Variants in NBPF15 observed in about 807,000 individuals in gnomAD.
The protein encoded by NBPF15 is NBPF family member NBPF15.
A neutral mutation model predicts 62.2 loss-of-function variants in NBPF15; 74 were observed. The observed-to-expected ratio is 1.19, with a 90% CI of 0.99 to 1.44. NBPF15 has a LOEUF of 1.44. Ranked by LOEUF, NBPF15 falls within the 40% of genes most tolerant of loss-of-function variation. NBPF15 has a pLI of 0.00. For synonymous variants in NBPF15, 244 were observed against 209.7 expected (o/e 1.16, Z -1.41); for missense variants, 790 against 550.0 (o/e 1.44, Z -4.36).
intron 3 of NBPF15, among the ~76,000 whole-genome samples, chr1:144,458,867 C>T (rs764407165): frequency 6.6e-6 from 1 of 151,646 alleles, no homozygotes; most frequent in Non-Finnish European, 1.5e-5. Context: ...TGTTGAATCC[C>T]AATCTCTACA....
chr1:144,454,940 C>G (rs1394467183), intron 4 of NBPF15, among the ~76,000 whole-genome samples: 2 of 150,996 alleles, frequency 1.3e-5, no homozygotes, highest in Non-Finnish European at 3.0e-5. Flanking sequence ...GAAGCAGCTC[C>G]AGAGGTTTTG....
chr1:144,457,951 G>A (rs1193982346), intron 3 of NBPF15, among the ~76,000 whole-genome samples: 29 of 151,866 alleles, frequency 1.9e-4, no homozygotes, highest in Non-Finnish European at 2.9e-5. Flanking sequence ...GCCGGGCATA[G>A]TGGTGCATGC....
At chr1:144,434,785 C>T (rs587630587) in intron 12 of NBPF15, among the ~76,000 whole-genome samples, 2 of 152,012 alleles carry the variant, frequency 1.3e-5, no homozygotes, top group South Asian at 4.2e-4. Context: ...ACTCCATGGG[C>T]ATTGTTCAGG....
chr1:144,461,182 G>A (rs1652684139), intron 1 of NBPF15, among the ~76,000 whole-genome samples, 199 bp downstream of exon 1: 2 of 152,114 alleles, frequency 1.3e-5, no homozygotes, highest in South Asian at 2.1e-4. Context: ...ACCCGCCAGC[G>A]AGTTTCTTCC....
intron 3 of NBPF15, among the ~76,000 whole-genome samples, chr1:144,459,114 A>G (rs1331796252): frequency 6.6e-6 from 1 of 151,988 alleles, no homozygotes; most frequent in East Asian, 1.9e-4. Context: ...TCATACTCCT[A>G]GGTTCGGCAT....
Position 144,422,998 on chromosome 1 carries a change from C to T in NBPF15, c.*15G>A, listed in dbSNP as rs781939655. On this transcript the variant is annotated 3_prime_UTR_variant, in exon 22 of 22. Coordinates refer to ENST00000581897, the MANE Select transcript of NBPF15 (RefSeq NM_001385408.1). Reference sequence around the variant, plus strand: ...TGCCTGCAGGAATGACATCTCTCGGCTTAGTAAGAGCTGCTTATTGTGGGA... The same window carrying T: ...TGCCTGCAGGAATGACATCTCTCGGTTTAGTAAGAGCTGCTTATTGTGGGA... 2.3e-5 allele frequency: 37 copies of T among 1,611,648 alleles called. 2 individuals carry two copies. The South Asian group carries it at 3.1e-4, about 13-fold the overall frequency.
rs1367099832 is a variant in NBPF15 at position 144,423,959 on chromosome 1, C to T, written c.1680G>A (p.Gly560=). 2.2e-4 allele frequency: 170 copies of T among 770,398 alleles called. 2 individuals carry two copies. The highest frequency in any genetic ancestry group is 7.0e-4 in the Middle Eastern group (2 of 2,848). 47.7% of individuals were successfully genotyped at this position (770,398 alleles called of 1,614,324 possible). ...TTCTTCCCCTTCTTTTCTTCCCCTT[C>T]CCCTTCTTTTCAATTTCTGCAATAA... ...SLDVGEIEKK[G]KGKKRRGRRS... is the part of the protein sequence containing the mutation. The change falls in exon 21 of 22, where the codon GGG becomes GGA. Residue 560 remains glycine, a synonymous_variant. Coordinates refer to ENST00000581897, the MANE Select transcript of NBPF15 (RefSeq NM_001385408.1).
intron 4 of NBPF15, among the ~76,000 whole-genome samples, chr1:144,456,319 TA>T (rs1437882719): frequency 4.6e-5 from 7 of 151,846 alleles, no homozygotes; most frequent in Non-Finnish European, 1.0e-4. Flanking sequence ...TCTCCTGAGG[TA>T]AAATCACTTC....
chr1:144,428,479 G>GT (rs1553539741), intron 15 of NBPF15, 127 bp downstream of exon 15: 1 of 878,800 alleles, frequency 1.1e-6, no homozygotes, highest in African/African-American at 1.6e-5. Flanking sequence ...AAAAAGCAAT[G>GT]TAGTAGGCAT....
chr1:144,424,099 G>T (rs1404740025), intron 20 of NBPF15, 124 bp from the exon 21 acceptor site: 6 of 748,640 alleles, frequency 8.0e-6, no homozygotes, highest in East Asian at 2.4e-5. Flanking sequence ...CACCATGAGA[G>T]ATATATTTCA....
chr1:144,439,986 G>A lies in NBPF15; in HGVS notation c.18C>T (p.Gly6=). The stretch of plus-strand genomic sequence containing the variant: ...TCTCTGCCTTCTCGCTGGACAAAGG[G>A]CCGGCTGATACCACCATGCTGACGT... MVVSA[G]PLSSEKAEMN... is the part of the protein sequence containing the mutation. Residue 6 remains glycine (G), a synonymous_variant, in exon 8 of 22, where the codon GGC becomes GGT. Coordinates refer to ENST00000581897, the MANE Select transcript of NBPF15 (RefSeq NM_001385408.1). The A allele has an allele frequency of 6.2e-7, 1 of 1,609,312 alleles. No individual in the cohort carries two copies. Among genetic ancestry groups the A allele is most frequent in the East Asian group, 2.2e-5 (1 of 44,860 alleles).
At chr1:144,428,183 A>ACG (rs1179101693) in intron 15 of NBPF15, among the ~76,000 whole-genome samples, 193 bp from the exon 16 acceptor site, 511 of 123,146 alleles carry the variant, frequency 4.1e-3, no homozygotes, top group African/African-American at 0.023. Context: ...AGAAAGACAC[A>ACG]CACACACACA....
chr1:144,429,813 TC>T lies in NBPF15; in HGVS notation c.874del (p.Glu292LysfsTer26). On this transcript the variant is annotated frameshift_variant, in exon 14 of 22. Transcript: ENST00000581897. LOFTEE classifies it high-confidence loss of function. ...EEEVPQESWD[E>X]GYSTLSIPPE... ...AGGAATTGAGAGAGTCGAATAACCT[TC>T]ATCCCAGGACTCCTGGGGGACTTCC... 1 of 586,726 alleles carries T rather than the reference TC, an allele frequency of 1.7e-6. No homozygotes were observed. Among genetic ancestry groups the T allele is most frequent in the Non-Finnish European group, 2.9e-6 (1 of 343,952 alleles). 36.3% of individuals were successfully genotyped at this position (586,726 alleles called of 1,614,324 possible).
At chr1:144,439,453 A>G (rs1209029453) in intron 8 of NBPF15, among the ~76,000 whole-genome samples, 5 of 151,950 alleles carry the variant, frequency 3.3e-5, no homozygotes, top group Non-Finnish European at 5.9e-5. Flanking sequence ...AACTGAAGAA[A>G]AGTTCACTAG....
rs373627449 is a variant in NBPF15 at position 144,458,078 on chromosome 1, C to A, written c.-700-1273G>T. The stretch of plus-strand genomic sequence containing the variant: ...CTCCAGCCTGGGCAACAGAGCGAGA[C>A]ACTGTCTCAAGAAAAAAAAAAAAAA... On this transcript the variant is annotated intron_variant, in intron 3 of 21. Coordinates refer to ENST00000581897, the MANE Select transcript of NBPF15 (RefSeq NM_001385408.1). 3.1e-4 allele frequency among the ~76,000 whole-genome samples: 46 copies of A among 150,660 alleles called. 1 individual carries two copies. In the East Asian group the frequency reaches 8.8e-3, roughly 29 times the overall value.
intron 17 of NBPF15, 33 bp downstream of exon 17, chr1:144,427,014 C>T (rs1239532829): frequency 1.6e-5 from 12 of 762,254 alleles, no homozygotes; most frequent in Non-Finnish European, 2.6e-5. Context: ...GGTGTCAACA[C>T]ACAATTAAGC....
In NBPF15 at chr1:144,440,005, C is replaced by T. The variant is rs1553542300; in HGVS notation, c.-2G>A. The stretch of plus-strand genomic sequence containing the variant: ...CAAAGGGCCGGCTGATACCACCATG[C>T]TGACGTTTGTGGCAGAAGAGGTGGA... On this transcript the variant is annotated 5_prime_UTR_variant, in exon 8 of 22. Coordinates refer to ENST00000581897, the MANE Select transcript of NBPF15 (RefSeq NM_001385408.1). 1.2e-6 allele frequency: 2 copies of T among 1,607,328 alleles called. No homozygotes were observed. Among genetic ancestry groups the T allele is most frequent in the Admixed American group, 1.7e-5 (1 of 59,974 alleles).
Position 144,444,269 on chromosome 1 carries a change from G to GAA in NBPF15, c.-190-3976_-190-3975dup, listed in dbSNP as rs1203432399. On this transcript the variant is annotated intron_variant, in intron 6 of 21. Transcript: ENST00000581897. ...GAGTGGTTCAATTAAATATTAAGAG[G>GAA]AAAAAAAAAAAAAGAAGCCAGTGCC... 5.3e-4 allele frequency among the ~76,000 whole-genome samples: 69 copies of GAA among 130,574 alleles called. No individual in the cohort carries two copies. In the South Asian group the frequency reaches 0.013, roughly 24 times the overall value. 85.7% of individuals were successfully genotyped at this position (130,574 alleles called of 152,430 possible).
chr1:144,428,248 G>A (rs1402617054), intron 15 of NBPF15, among the ~76,000 whole-genome samples: 2 of 148,178 alleles, frequency 1.3e-5, no homozygotes. Flanking sequence ...GTGACACACT[G>A]ATGAGGGAAT....
Sources: gnomAD v4.1 joint callset for allele counts (sites outside exome capture counted in the v4.1 genomes callset) on GRCh38, gnomAD v4.1.1 for gene constraint, MANE v1.5 for transcripts, NCBI Gene and HGNC (gene_info 2026-07-23, HGNC 2026-07-21) for gene names.